DAB1: variants seen among roughly 807,000 people sequenced by gnomAD.
DAB1 encodes DAB adaptor protein 1.
Under a neutral mutation model 64.6 loss-of-function variants are expected in DAB1, and 15 were observed. The observed-to-expected ratio is 0.23, with a 90% CI of 0.16 to 0.36. The LOEUF (loss-of-function observed/expected upper bound fraction) is 0.36, where lower values mean the gene tolerates loss of function less well. Ranked by LOEUF, DAB1 falls within the 10% of genes least tolerant of loss-of-function variation. DAB1 has a pLI of 1.00. For missense variants in DAB1, 596 were observed against 706.7 expected, an observed-to-expected ratio of 0.84 and a Z score of 1.78; for synonymous variants, 235 against 251.9, an observed-to-expected ratio of 0.93 and a Z score of 0.64.
chr1:58,190,694 T>C (rs1404834453), intron 4 of DAB1, among the ~76,000 whole-genome samples: 1 of 152,232 alleles, frequency 6.6e-6, no homozygotes, highest in East Asian at 1.9e-4. Flanking sequence ...GTTATAGCTG[T>C]TTTTACACTC....
chr1:58,435,229 TTCTGAAC>T (rs1644928558), intron 3 of DAB1, among the ~76,000 whole-genome samples: 1 of 152,174 alleles, frequency 6.6e-6, no homozygotes, highest in Non-Finnish European at 1.5e-5. Flanking sequence ...TCCCTCAGGA[TTCTGAAC>T]TCTGGTAGAA....
At chr1:57,910,909 C>T (rs1197109503) in intron 5 of DAB1, among the ~76,000 whole-genome samples, 3 of 152,120 alleles carry the variant, frequency 2.0e-5, no homozygotes, top group Admixed American at 1.3e-4. Flanking sequence ...ACTGTCTCAT[C>T]GTCAAACAGG....
At chr1:57,207,179 G>A (rs955621167) in intron 2 of DAB1, among the ~76,000 whole-genome samples, 16 of 151,516 alleles carry the variant, frequency 1.1e-4, no homozygotes, top group African/African-American at 2.7e-4. Flanking sequence ...ATGTTGGTCA[G>A]GCTGGCCTTG....
At chr1:57,754,513 C>G (rs963108488) in intron 6 of DAB1, among the ~76,000 whole-genome samples, 5 of 151,820 alleles carry the variant, frequency 3.3e-5, no homozygotes, top group Non-Finnish European at 2.9e-5. Flanking sequence ...TGGTAAAACC[C>G]CGTCTCTACT....
chr1:58,084,910 C>G (rs1033563439), intron 5 of DAB1, among the ~76,000 whole-genome samples: 2 of 151,934 alleles, frequency 1.3e-5, no homozygotes, highest in Non-Finnish European at 2.9e-5. Flanking sequence ...TCTGGAGAAA[C>G]ATGTTTGGAA....
At chr1:57,767,181 T>C (rs1420157053) in intron 6 of DAB1, among the ~76,000 whole-genome samples, 4 of 152,150 alleles carry the variant, frequency 2.6e-5, no homozygotes, top group Non-Finnish European at 5.9e-5. Flanking sequence ...TGCTGAAAAT[T>C]CCAAACCTTT....
chr1:57,513,955 T>C (rs1256533002), intron 7 of DAB1, among the ~76,000 whole-genome samples: 1 of 152,220 alleles, frequency 6.6e-6, no homozygotes. Flanking sequence ...GTGTTTGTCT[T>C]TCTGTGCCTG....
chr1:57,461,264 G>A (rs2781325), intron 7 of DAB1, among the ~76,000 whole-genome samples: 42,604 of 152,080 alleles, frequency 0.28, 7,634 homozygotes, highest in Non-Finnish European at 0.42. Flanking sequence ...TCTAATGTTG[G>A]GGAGAATTTT....
Position 57,969,693 on chromosome 1 carries a change from T to C in DAB1, n.388-85531A>G, listed in dbSNP as rs939844897. ...TTTACATATAAGATTGTAAGGTACT[T>C]GAAACTATGCTGTTTCATTTGATTC... On this transcript the variant is annotated intron_variant and non_coding_transcript_variant, in intron 5 of 20. Coordinates refer to the DAB1 transcript ENST00000485760. Among the ~76,000 whole-genome samples the C allele has an allele frequency of 8.3e-4, 126 of 152,310 alleles. 1 individual carries two copies. The highest frequency in any genetic ancestry group is 2.9e-3 in the African/African-American group (120 of 41,574).
chr1:57,550,772 G>T (rs149921315), intron 7 of DAB1, among the ~76,000 whole-genome samples: 1 of 152,146 alleles, frequency 6.6e-6, no homozygotes, highest in Non-Finnish European at 1.5e-5. Flanking sequence ...GTTAAATAAA[G>T]TGTTTAGTAA....
intron 5 of DAB1, among the ~76,000 whole-genome samples, chr1:57,949,167 G>T (rs1484013440): frequency 6.6e-6 from 1 of 152,222 alleles, no homozygotes; most frequent in Non-Finnish European, 1.5e-5. Context: ...TTTCCATGGG[G>T]GGGGCTGGGG....
rs74074206 is a variant in DAB1 at position 57,147,543 on chromosome 1, T to C, written c.68-2114A>G. Among the ~76,000 whole-genome samples the C allele has an allele frequency of 3.9e-3, 601 of 152,184 alleles. 4 individuals carry two copies. The highest frequency in any genetic ancestry group is 0.014 in the African/African-American group (574 of 41,538). On this transcript the variant is annotated intron_variant, in intron 2 of 14. Coordinates refer to ENST00000371236, the MANE Select transcript of DAB1 (RefSeq NM_001365792.1). Reference sequence around the variant, plus strand: ...AGGGATGATTAGTCAGAAACTATAATCCGTATAATACTTAAGCCTCAGCAT... The same window carrying C: ...AGGGATGATTAGTCAGAAACTATAACCCGTATAATACTTAAGCCTCAGCAT...
intron 5 of DAB1, among the ~76,000 whole-genome samples, chr1:58,108,273 G>A (rs992818739): frequency 2.0e-5 from 3 of 152,182 alleles, no homozygotes; most frequent in Non-Finnish European, 4.4e-5. Flanking sequence ...GGTGTGAGAT[G>A]AGGGTGAAGT....
At chr1:58,349,075 C>T (rs1231918743) in intron 3 of DAB1, among the ~76,000 whole-genome samples, 1 of 152,174 alleles carries the variant, frequency 6.6e-6, no homozygotes, top group African/African-American at 2.4e-5. Flanking sequence ...TACTCTGACC[C>T]TATTCAGAGA....
chr1:58,016,531 C>T (rs2764689), intron 5 of DAB1, among the ~76,000 whole-genome samples: 64,903 of 151,878 alleles, frequency 0.43, 14,194 homozygotes, highest in East Asian at 0.64. Context: ...TGATGTCCCA[C>T]AGGTACTTCA....
At chr1:57,005,221 G>A (rs139455743) in intron 14 of DAB1, among the ~76,000 whole-genome samples, 30 of 152,224 alleles carry the variant, frequency 2.0e-4, no homozygotes, top group African/African-American at 6.5e-4. Flanking sequence ...CTATTTCCCC[G>A]TCAATAATAA....
At chr1:57,698,988 A>T (rs1169736393) in intron 6 of DAB1, among the ~76,000 whole-genome samples, 5 of 152,192 alleles carry the variant, frequency 3.3e-5, no homozygotes, top group Admixed American at 2.6e-4. Context: ...CCCAGGCTAG[A>T]GTGCAATGGC....
chr1:57,015,148 C>G lies in DAB1; in HGVS notation c.1179G>C (p.Thr393=). 1 of 1,614,144 alleles carries G rather than the reference C, an allele frequency of 6.2e-7. No individual in the cohort carries two copies. Among genetic ancestry groups the G allele is most frequent in the Non-Finnish European group, 8.5e-7 (1 of 1,180,028 alleles). Residue 393 remains threonine, a synonymous_variant, in exon 12 of 15, where the codon ACG becomes ACC. Transcript: ENST00000371236. ...GTGGACTTGACCTGGTGGAGTCACT[C>G]GTGCCTGGGACGGTGGCAAGGGGGG... ...PLTPLATVPG[T]SDSTRSSPQT...
chr1:57,048,442 T>C (rs1250137194), intron 9 of DAB1, among the ~76,000 whole-genome samples: 2 of 152,212 alleles, frequency 1.3e-5, no homozygotes, highest in Middle Eastern at 3.2e-3. Flanking sequence ...TTCATGTTCT[T>C]TCTGTAGTTT....
Sources: allele counts gnomAD v4.1 joint callset (sites outside exome capture counted in the v4.1 genomes callset), GRCh38; gene constraint gnomAD v4.1.1; transcripts MANE v1.5; gene names NCBI Gene and HGNC (gene_info 2026-07-23, HGNC 2026-07-21).